UNC13C: variants seen among roughly 807,000 people sequenced by gnomAD.
The protein encoded by UNC13C is unc-13 homolog C.
Under a neutral mutation model 245.4 loss-of-function variants are expected in UNC13C, and 174 were observed. The observed-to-expected ratio is 0.71, with a 90% CI of 0.63 to 0.80. The LOEUF is 0.80. Among genes scored for constraint, UNC13C ranks in the 30% least tolerant of loss-of-function variants. UNC13C has a pLI of 0.00. For missense variants in UNC13C, 2,829 were observed against 2,602.9 expected (o/e 1.09, Z -1.89); for synonymous variants, 992 against 895.1 (o/e 1.11, Z -1.93).
At chr15:54,097,909 A>G (rs1256278681) in intron 2 of UNC13C, among the ~76,000 whole-genome samples, 2 of 152,226 alleles carry the variant, frequency 1.3e-5, no homozygotes, top group African/African-American at 2.4e-5. Context: ...GGTTTTTAGA[A>G]AAGAGTAAGC....
intron 13 of UNC13C, among the ~76,000 whole-genome samples, chr15:54,307,251 T>A (rs1047058232): frequency 1.3e-5 from 2 of 151,946 alleles, no homozygotes. Context: ...TCAGATCTGG[T>A]GTCTGACGAG....
chr15:54,539,146 A>G (rs8034263), intron 26 of UNC13C, among the ~76,000 whole-genome samples: 1 of 152,124 alleles, frequency 6.6e-6, no homozygotes, highest in African/African-American at 2.4e-5. Context: ...AACTCATAGG[A>G]AAATATCTTC....
chr15:54,492,196 A>G (rs992240221), intron 19 of UNC13C, among the ~76,000 whole-genome samples: 1 of 152,172 alleles, frequency 6.6e-6, no homozygotes, highest in Non-Finnish European at 1.5e-5. Flanking sequence ...ACAAAGGTTC[A>G]ATTTAAACTT....
chr15:54,549,536 T>C, intron 27 of UNC13C, 99 bp from the exon 28 acceptor site: 1 of 923,236 alleles, frequency 1.1e-6, no homozygotes. Context: ...ATAAGTCTTA[T>C]AAGGGAAATA....
chr15:54,632,677 A>G (rs1011042342), downstream of UNC13C: 3 of 152,206 alleles, frequency 2.0e-5, no homozygotes, highest in Non-Finnish European at 2.9e-5. Context: ...TCATAAATCA[A>G]TTGACCAAAT....
At chr15:54,235,995 T>A (rs1247274419) in intron 5 of UNC13C, among the ~76,000 whole-genome samples, 1 of 149,692 alleles carries the variant, frequency 6.7e-6, no homozygotes, top group Non-Finnish European at 1.5e-5. Flanking sequence ...TGCAAAAAAT[T>A]GACCATGGCC....
At chr15:54,432,788 CA>C (rs778786195) in intron 19 of UNC13C, among the ~76,000 whole-genome samples, 8 of 151,626 alleles carry the variant, frequency 5.3e-5, no homozygotes, top group South Asian at 2.1e-4. Context: ...AAAAACACTT[CA>C]AAAAAATCAA....
chr15:54,091,235 T>C (rs1899556447), intron 2 of UNC13C, among the ~76,000 whole-genome samples: 1 of 152,314 alleles, frequency 6.6e-6, no homozygotes, highest in African/African-American at 2.4e-5. Flanking sequence ...ACCTCCTCTT[T>C]CGTTAAATGA....
At chr15:54,506,371 A>C (rs1894477098) in intron 22 of UNC13C, among the ~76,000 whole-genome samples, 1 of 152,148 alleles carries the variant, frequency 6.6e-6, no homozygotes, top group Non-Finnish European at 1.5e-5. Context: ...CAGTATGTCT[A>C]AAGTAAAATT....
intron 19 of UNC13C, among the ~76,000 whole-genome samples, chr15:54,436,819 TTAAAG>T (rs1890246259): frequency 6.6e-6 from 1 of 151,788 alleles, no homozygotes; most frequent in African/African-American, 2.4e-5. Flanking sequence ...ATCTCAGAAC[TTAAAG>T]TAAAATTAAG....
chr15:54,138,425 A>G (rs558952627), intron 2 of UNC13C, among the ~76,000 whole-genome samples: 2 of 129,956 alleles, frequency 1.5e-5, no homozygotes, highest in East Asian at 2.2e-4. Context: ...ATTTCTATAT[A>G]TAACTGTTTT....
At chr15:54,333,183 A>G (rs1157945140) in intron 15 of UNC13C, among the ~76,000 whole-genome samples, 1 of 152,106 alleles carries the variant, frequency 6.6e-6, no homozygotes, top group Non-Finnish European at 1.5e-5. Context: ...CAAACATTTT[A>G]TCATTATAAC....
At chr15:54,086,737 C>CTTTTTTTTTTTTT (rs57209912) in intron 2 of UNC13C, among the ~76,000 whole-genome samples, 969 of 91,930 alleles carry the variant, frequency 0.011, 114 homozygotes, top group Middle Eastern at 0.031. Context: ...TATTTTCTTT[C>CTTTTTTTTTTTTT]TTTTTTTTTT....
At chr15:54,448,793 A>T (rs1296806515) in intron 19 of UNC13C, among the ~76,000 whole-genome samples, 1 of 152,098 alleles carries the variant, frequency 6.6e-6, no homozygotes, top group East Asian at 1.9e-4. Flanking sequence ...TAATATTGTT[A>T]TGTGTGAATT....
chr15:54,272,672 C>T (rs759804985), intron 10 of UNC13C, among the ~76,000 whole-genome samples: 4 of 151,938 alleles, frequency 2.6e-5, no homozygotes, highest in Admixed American at 6.6e-5. Flanking sequence ...TGTCTAGCAG[C>T]AGGAAAATAA....
At chr15:54,302,150 T>C (rs570332622) in intron 13 of UNC13C, among the ~76,000 whole-genome samples, 4 of 152,360 alleles carry the variant, frequency 2.6e-5, no homozygotes, top group Admixed American at 1.3e-4. Context: ...TGTTTTTTTC[T>C]TGCAAATTTG....
intron 4 of UNC13C, among the ~76,000 whole-genome samples, chr15:54,219,162 C>T (rs1410607416): frequency 1.3e-5 from 2 of 152,042 alleles, no homozygotes; most frequent in Admixed American, 6.6e-5. Context: ...GCCAAAAGAA[C>T]AAAGCTGGAG....
chr15:53,956,286 T>A, the UNC13C span, among the ~76,000 whole-genome samples: 1 of 152,138 alleles, frequency 6.6e-6, no homozygotes, highest in African/African-American at 2.4e-5. Context: ...CGCAATGTAC[T>A]CAGGTAACAA....
At chr15:53,879,164 G>A in the UNC13C span, among the ~76,000 whole-genome samples, 9 of 152,046 alleles carry the variant, frequency 5.9e-5, no homozygotes, top group Non-Finnish European at 7.4e-5. Context: ...TTCATTCATT[G>A]ATTCATTTAT....
Sources: allele counts gnomAD v4.1 joint callset (sites outside exome capture counted in the v4.1 genomes callset), GRCh38; gene constraint gnomAD v4.1.1; transcripts MANE v1.5; gene names NCBI Gene and HGNC (gene_info 2026-07-23, HGNC 2026-07-21).